Variants in GMDS observed in about 807,000 individuals in gnomAD.
GMDS encodes the protein GDP-mannose 4,6-dehydratase.
In GMDS, 20 loss-of-function variants were observed where a neutral mutation model predicts 49.9. That is an observed-to-expected ratio of 0.40 (90% CI 0.28 to 0.58). The LOEUF is 0.58. Ranked by LOEUF, GMDS falls within the 20% of genes least tolerant of loss-of-function variation. The pLI is 0.42. For synonymous variants in GMDS, 177 were observed against 178.6 expected, an observed-to-expected ratio of 0.99 and a Z score of 0.07; for missense variants, 362 against 481.4, an observed-to-expected ratio of 0.75 and a Z score of 2.32.
intron 4 of GMDS, among the ~76,000 whole-genome samples, chr6:2,058,528 C>G (rs149169565): frequency 0.013 from 1,920 of 151,820 alleles, 44 homozygotes; most frequent in African/African-American, 0.044. Flanking sequence ...GTAGAGCTAT[C>G]CGAAGGTAGA....
rs904030216 is a variant in GMDS, at chr6:2,092,028, C to T, written c.345+23743G>A. Among the ~76,000 whole-genome samples, 6 of 152,060 alleles carry T rather than the reference C, an allele frequency of 3.9e-5. 1 individual carries two copies. The East Asian group carries it at 1.2e-3, about 29-fold the overall frequency. The stretch of plus-strand genomic sequence containing the variant: ...GGAAGAGTGGATTCATGGGAACAAC[C>T]CTTTCTAAATATTAAAAATAGAAAT... On this transcript the variant is annotated intron_variant, in intron 4 of 10. Transcript: ENST00000380815.
At chr6:1,792,640 T>C (rs564824651) in intron 7 of GMDS, among the ~76,000 whole-genome samples, 1 of 152,326 alleles carries the variant, frequency 6.6e-6, no homozygotes, top group Non-Finnish European at 1.5e-5. Flanking sequence ...TGGAGGATAA[T>C]TACATTAAAA....
At chr6:1,873,560 A>T (rs763031090) in intron 7 of GMDS, among the ~76,000 whole-genome samples, 7 of 152,226 alleles carry the variant, frequency 4.6e-5, no homozygotes, top group African/African-American at 7.2e-5. Flanking sequence ...TGGTAATTTT[A>T]TTATTGTCCA....
chr6:1,863,352 A>G (rs1758283760), intron 7 of GMDS, among the ~76,000 whole-genome samples: 1 of 152,156 alleles, frequency 6.6e-6, no homozygotes, highest in Non-Finnish European at 1.5e-5. Flanking sequence ...ATTTAAGTAC[A>G]TATTTGTGTT....
intron 8 of GMDS, among the ~76,000 whole-genome samples, chr6:1,728,274 G>C (rs893459869): frequency 3.3e-5 from 5 of 152,120 alleles, no homozygotes; most frequent in African/African-American, 1.2e-4. Flanking sequence ...AATTGTTTAA[G>C]TAGAACCTTT....
intron 7 of GMDS, among the ~76,000 whole-genome samples, chr6:1,759,045 C>T (rs114454545): frequency 6.6e-6 from 1 of 152,288 alleles, no homozygotes; most frequent in African/African-American, 2.4e-5. Flanking sequence ...GCCTCAGCCT[C>T]TAGAGTAGCT....
At chr6:2,033,509 CTG>C (rs1453026033) in intron 4 of GMDS, among the ~76,000 whole-genome samples, 1 of 152,170 alleles carries the variant, frequency 6.6e-6, no homozygotes, top group Non-Finnish European at 1.5e-5. Flanking sequence ...AAATAGTCTT[CTG>C]TCTTCTTAAA....
At chr6:1,693,909 T>C (rs1581467872) in intron 9 of GMDS, among the ~76,000 whole-genome samples, 2 of 152,326 alleles carry the variant, frequency 1.3e-5, no homozygotes, top group Non-Finnish European at 1.5e-5. Flanking sequence ...ACAAATACTA[T>C]GAGTTTTATT....
chr6:1,735,989 T>C (rs1766989812), intron 8 of GMDS, among the ~76,000 whole-genome samples: 1 of 152,170 alleles, frequency 6.6e-6, no homozygotes, highest in South Asian at 2.1e-4. Context: ...AGGTGTGAGG[T>C]GCTGTGCCAG....
chr6:1,737,325 A>C (rs1767033220), intron 8 of GMDS, among the ~76,000 whole-genome samples: 1 of 152,198 alleles, frequency 6.6e-6, no homozygotes, highest in African/African-American at 2.4e-5. Flanking sequence ...TTAATGACAG[A>C]AAATTAGTCA....
chr6:1,808,972 T>C (rs1458588759), intron 7 of GMDS, among the ~76,000 whole-genome samples: 1 of 152,192 alleles, frequency 6.6e-6, no homozygotes, highest in Non-Finnish European at 1.5e-5. Flanking sequence ...TGTCTATATT[T>C]AATGGAATTA....
At chr6:2,085,509 TCA>T (rs1772960139) in intron 4 of GMDS, among the ~76,000 whole-genome samples, 1 of 152,178 alleles carries the variant, frequency 6.6e-6, no homozygotes, top group African/African-American at 2.4e-5. Flanking sequence ...TTTTTGCACA[TCA>T]GTCTCCTCGG....
At chr6:1,916,621 A>G (rs1761416977) in intron 7 of GMDS, among the ~76,000 whole-genome samples, 1 of 152,180 alleles carries the variant, frequency 6.6e-6, no homozygotes, top group Admixed American at 6.5e-5. Context: ...TCCTACTGAA[A>G]TGCTCAATAA....
chr6:1,718,523 T>C lies in GMDS; in HGVS notation c.987+7893A>G, dbSNP rs866672281. 3.1e-4 allele frequency among the ~76,000 whole-genome samples: 47 copies of C among 152,220 alleles called. No individual in the cohort carries two copies. The Middle Eastern group carries it at 0.014, about 44-fold the overall frequency. ...GCCATGTTCTGGCACCTGTCACTGT[T>C]TCTCTCGCCTGGGCTGCCCTGGTTC... On this transcript the variant is annotated intron_variant, in intron 9 of 10. Transcript: ENST00000380815.
chr6:1,767,046 A>C (rs1768384802), intron 7 of GMDS, among the ~76,000 whole-genome samples: 1 of 152,258 alleles, frequency 6.6e-6, no homozygotes, highest in Non-Finnish European at 1.5e-5. Context: ...TGAAATGAAC[A>C]AACTATAAAA....
chr6:1,649,028 CTT>C (rs927469229), intron 9 of GMDS, among the ~76,000 whole-genome samples: 2 of 152,156 alleles, frequency 1.3e-5, no homozygotes, highest in African/African-American at 4.8e-5. Context: ...AATTACAACT[CTT>C]ATTTTTAAAA....
intron 7 of GMDS, among the ~76,000 whole-genome samples, chr6:1,862,596 C>T (rs1758242746): frequency 1.3e-5 from 2 of 152,238 alleles, no homozygotes; most frequent in Admixed American, 6.5e-5. Context: ...ATTTCCACAA[C>T]TTGCTGGAGC....
intron 6 of GMDS, among the ~76,000 whole-genome samples, chr6:1,949,384 A>C (rs1763233912): frequency 6.6e-6 from 1 of 152,230 alleles, no homozygotes; most frequent in South Asian, 2.1e-4. Context: ...GCTATATTGC[A>C]GGGAACTGTG....
intron 9 of GMDS, among the ~76,000 whole-genome samples, chr6:1,674,714 A>ATT (rs34312038): frequency 7.0e-6 from 1 of 142,664 alleles, no homozygotes; most frequent in African/African-American, 2.6e-5. Context: ...CACCCAGCTA[A>ATT]TTTTTTTTTT....
Sources: gnomAD v4.1 joint callset for allele counts (sites outside exome capture counted in the v4.1 genomes callset) on GRCh38, gnomAD v4.1.1 for gene constraint, MANE v1.5 for transcripts, NCBI Gene and HGNC (gene_info 2026-07-23, HGNC 2026-07-21) for gene names.